The following EXOC4 variants were observed in gnomAD, a reference collection of about 807,000 sequenced individuals.
EXOC4 encodes the protein exocyst complex component 4.
Under a neutral mutation model 107.2 loss-of-function variants are expected in EXOC4, and 71 were observed. The observed-to-expected ratio is 0.66, with a 90% CI of 0.55 to 0.81. The LOEUF (loss-of-function observed/expected upper bound fraction) is 0.81, where lower values mean the gene tolerates loss of function less well. EXOC4 is among the 30% of genes least tolerant of loss of function. The pLI, the probability that EXOC4 is intolerant of heterozygous loss-of-function variation, is 0.00. For synonymous variants in EXOC4, 456 were observed against 441.2 expected, an observed-to-expected ratio of 1.03 and a Z score of -0.42; for missense variants, 1,108 against 1,189.6, an observed-to-expected ratio of 0.93 and a Z score of 1.01.
chr7:133,906,459 T>G (rs2116580081), intron 12 of EXOC4, among the ~76,000 whole-genome samples: 2 of 152,268 alleles, frequency 1.3e-5, no homozygotes, highest in East Asian at 3.9e-4. Context: ...ACTAAAATGC[T>G]AATTAGGCAA....
intron 10 of EXOC4, among the ~76,000 whole-genome samples, chr7:133,792,435 C>A (rs1466523257): frequency 1.3e-5 from 2 of 150,806 alleles, no homozygotes; most frequent in African/African-American, 4.9e-5. Flanking sequence ...CACCTGTAGA[C>A]CCAGCTACTC....
At chr7:133,432,714 C>T (rs953602645) in intron 7 of EXOC4, among the ~76,000 whole-genome samples, 11 of 152,196 alleles carry the variant, frequency 7.2e-5, no homozygotes, top group Non-Finnish European at 1.3e-4. Flanking sequence ...CACTCTCTTC[C>T]AGTTTCTGCT....
At chr7:134,001,903 A>G (rs1794538822) in intron 15 of EXOC4, among the ~76,000 whole-genome samples, 1 of 152,206 alleles carries the variant, frequency 6.6e-6, no homozygotes, top group Non-Finnish European at 1.5e-5. Context: ...GCTATTTTAC[A>G]TGGTCTTCTC....
At chr7:133,911,419 A>G (rs1799691993) in intron 12 of EXOC4, among the ~76,000 whole-genome samples, 1 of 152,196 alleles carries the variant, frequency 6.6e-6, no homozygotes, top group Admixed American at 6.5e-5. Context: ...CAGTATTTCA[A>G]ATTAGAATAT....
At chr7:133,358,554 A>T (rs1411627817) in intron 6 of EXOC4, among the ~76,000 whole-genome samples, 2 of 152,138 alleles carry the variant, frequency 1.3e-5, no homozygotes, top group East Asian at 1.9e-4. Flanking sequence ...TTTGCCTGGC[A>T]CCTGGATTTT....
chr7:133,305,858 C>T lies in EXOC4; in HGVS notation c.472-19C>T. The T allele has an allele frequency of 6.4e-7, 1 of 1,561,368 alleles. No individual in the cohort carries two copies. The highest frequency in any genetic ancestry group is 1.2e-5 in the South Asian group (1 of 83,160). On this transcript the variant is annotated intron_variant, in intron 3 of 17. Transcript: ENST00000253861. Reference sequence around the variant, plus strand: ...TATTAAGTTGTACTTAATTGTCTTTCATTTTTTTCTCTTTTCAGGTGTCAG... The same window carrying T: ...TATTAAGTTGTACTTAATTGTCTTTTATTTTTTTCTCTTTTCAGGTGTCAG...
At chr7:133,354,156 TA>T (rs1433179817) in intron 5 of EXOC4, among the ~76,000 whole-genome samples, 1 of 152,058 alleles carries the variant, frequency 6.6e-6, no homozygotes, top group Non-Finnish European at 1.5e-5. Context: ...TCTGTTGATT[TA>T]TTTTTTTTCC....
chr7:133,902,364 C>T (rs972672991), intron 12 of EXOC4, among the ~76,000 whole-genome samples: 1 of 152,172 alleles, frequency 6.6e-6, no homozygotes, highest in Admixed American at 6.5e-5. Context: ...CAGTGGATCA[C>T]TGCATCTTTA....
At chr7:133,394,536 A>C (rs2150721602) in intron 7 of EXOC4, among the ~76,000 whole-genome samples, 1 of 152,302 alleles carries the variant, frequency 6.6e-6, no homozygotes, top group East Asian at 1.9e-4. Flanking sequence ...AGTGATGTGA[A>C]GGTGTTTCCT....
intron 7 of EXOC4, among the ~76,000 whole-genome samples, chr7:133,398,026 T>C (rs1440768091): frequency 2.0e-5 from 3 of 152,190 alleles, no homozygotes; most frequent in African/African-American, 7.2e-5. Flanking sequence ...TTTGCCTCCA[T>C]TGTTTTCAAA....
At chr7:133,843,880 G>A (rs1417009559) in intron 11 of EXOC4, among the ~76,000 whole-genome samples, 1 of 152,156 alleles carries the variant, frequency 6.6e-6, no homozygotes, top group Non-Finnish European at 1.5e-5. Flanking sequence ...AAGAGATGTT[G>A]AATTTTATGG....
intron 1 of EXOC4, among the ~76,000 whole-genome samples, chr7:133,270,145 C>G (rs546476445): frequency 6.6e-6 from 1 of 152,270 alleles, no homozygotes; most frequent in East Asian, 1.9e-4. Context: ...TGCACAAGCT[C>G]TATTCTCTTG....
At chr7:133,802,849 CAAAAAAAAAAAAAA>C (rs59489161) in intron 10 of EXOC4, among the ~76,000 whole-genome samples, 1 of 64,206 alleles carries the variant, frequency 1.6e-5, no homozygotes, top group African/African-American at 5.6e-5. Context: ...TCTGTCTCCA[CAAAAAAAAAAAAAA>C]AAAAAGGAGA....
intron 17 of EXOC4, among the ~76,000 whole-genome samples, chr7:134,060,565 C>T (rs1009733556): frequency 1.3e-5 from 2 of 152,136 alleles, no homozygotes; most frequent in Admixed American, 1.3e-4. Flanking sequence ...TTTCCTGGGG[C>T]CTCAATAAGT....
intron 10 of EXOC4, among the ~76,000 whole-genome samples, chr7:133,717,442 G>A (rs940470541): frequency 2.6e-5 from 4 of 152,032 alleles, no homozygotes; most frequent in Admixed American, 6.6e-5. Flanking sequence ...CATGCTTGCC[G>A]CCCCCCAACC....
intron 9 of EXOC4, among the ~76,000 whole-genome samples, chr7:133,538,768 C>G (rs1014538154): frequency 1.3e-5 from 2 of 151,914 alleles, no homozygotes; most frequent in South Asian, 4.2e-4. Context: ...GAGTTAGAGG[C>G]TGCAGTGAGC....
intron 11 of EXOC4, among the ~76,000 whole-genome samples, chr7:133,829,671 A>C (rs1308519684): frequency 3.3e-5 from 5 of 152,232 alleles, no homozygotes; most frequent in Non-Finnish European, 7.3e-5. Context: ...TGAGCCCTCA[A>C]AGGCATGACC....
chr7:133,693,262 A>C (rs1311471167), intron 10 of EXOC4, among the ~76,000 whole-genome samples: 1 of 152,212 alleles, frequency 6.6e-6, no homozygotes, highest in Non-Finnish European at 1.5e-5. Context: ...CCAAGAGTCC[A>C]AAAGCTGAAG....
intron 7 of EXOC4, among the ~76,000 whole-genome samples, chr7:133,411,416 T>C (rs1465781825): frequency 6.6e-6 from 1 of 152,164 alleles, no homozygotes; most frequent in Non-Finnish European, 1.5e-5. Context: ...TAGTCTTTAA[T>C]AGTTTGTAAT....
Sources: gnomAD v4.1 joint callset for allele counts (sites outside exome capture counted in the v4.1 genomes callset) on GRCh38, gnomAD v4.1.1 for gene constraint, MANE v1.5 for transcripts, NCBI Gene and HGNC (gene_info 2026-07-23, HGNC 2026-07-21) for gene names.